BRF1: variants seen among roughly 807,000 people sequenced by gnomAD.
BRF1 encodes the protein transcription factor IIIB 90 kDa subunit.
In BRF1, 59 loss-of-function variants were observed where a neutral mutation model predicts 81.7. The observed-to-expected ratio is 0.72, with a 90% CI of 0.59 to 0.90. BRF1 has a LOEUF of 0.90. BRF1 is among the 40% of genes least tolerant of loss of function. The probability of loss-of-function intolerance (pLI) is 0.00; values close to 1 mark genes in which losing one functional copy is unlikely to be tolerated. For synonymous variants in BRF1, 491 were observed against 395.6 expected, an observed-to-expected ratio of 1.24 and a Z score of -2.86; for missense variants, 1,050 against 936.3, an observed-to-expected ratio of 1.12 and a Z score of -1.58.
At chr14:105,242,855 C>T (rs895411544) in intron 5 of BRF1, among the ~76,000 whole-genome samples, 3 of 151,994 alleles carry the variant, frequency 2.0e-5, no homozygotes, top group Non-Finnish European at 4.4e-5. Context: ...GCGGCTTACG[C>T]CTGTAATCCC....
rs925873657 is a variant in BRF1, at chr14:105,218,874, C to T, written c.1515+124G>A. On this transcript the variant is annotated intron_variant, in intron 14 of 17. Coordinates refer to ENST00000547530, the MANE Select transcript of BRF1 (RefSeq NM_001519.4). The stretch of plus-strand genomic sequence containing the variant: ...GGGTCTGGGGTCCAGAGCACATGGC[C>T]TCCGGCTGCCTGCCCTGGGGCCTAG... 2.9e-6 allele frequency: 4 copies of T among 1,399,340 alleles called. No homozygotes were observed. The African/African-American group carries it at 4.3e-5, about 15-fold the overall frequency. The allele number at this position is 1,399,340 out of a possible 1,614,324, so 86.7% of individuals were successfully genotyped here.
chr14:105,315,286 C>T lies in BRF1; in HGVS notation c.-162+36G>A, dbSNP rs1026570573. On this transcript the variant is annotated intron_variant, in intron 1 of 17. Transcript: ENST00000327359. The surrounding 1 kb of genome is among the most constrained non-coding windows in gnomAD (Gnocchi z 4.4). ...TTCCGAGGACCCGGTGCTGCTCAGA[C>T]CCGGCGGGACCTTGGGGCTCCCGGG... The T allele has an allele frequency of 1.3e-5, 2 of 158,754 alleles. No homozygotes were observed. Among genetic ancestry groups the T allele is most frequent in the African/African-American group, 2.4e-5 (1 of 41,576 alleles). 9.8% of individuals were successfully genotyped at this position (158,754 alleles called of 1,614,324 possible).
rs375577063 is a variant in BRF1, at chr14:105,210,739, C to T, written c.1997-151G>A. On this transcript the variant is annotated intron_variant, in intron 17 of 17. Transcript: ENST00000547530. This position sits in a 1 kb window ranked among gnomAD's most constrained non-coding sequence, Gnocchi z 4.7. ...GCGCCCCGCCAGGAGCCATCTTGGG[C>T]TCCTCTCCACCTCCCGGGACTGGCA... 1.8e-5 allele frequency: 15 copies of T among 848,096 alleles called. No individual in the cohort carries two copies. Among genetic ancestry groups the T allele is most frequent in the Middle Eastern group, 3.5e-4 (1 of 2,850 alleles). The allele number at this position is 848,096 out of a possible 1,614,324, so 52.5% of individuals were successfully genotyped here. A position where few individuals can be genotyped will look rare whatever the true frequency, so the allele number is the denominator to read the frequency against.
Position 105,210,401 on chromosome 14 carries a change from C to T in BRF1, c.*150G>A. 1.3e-6 allele frequency: 1 copy of T among 777,930 alleles called. No individual in the cohort carries two copies. The highest frequency in any genetic ancestry group is 2.1e-6 in the Non-Finnish European group (1 of 486,220). The allele number at this position is 777,930 out of a possible 1,614,324, so 48.2% of individuals were successfully genotyped here. A position where few individuals can be genotyped will look rare whatever the true frequency, so the allele number is the denominator to read the frequency against. ...AGAAACACAATCCCAATGGTAAGTT[C>T]CACATGGGACGAGGGCTGTGGGACA... On this transcript the variant is annotated 3_prime_UTR_variant, in exon 18 of 18. Transcript: ENST00000547530. The surrounding 1 kb of genome is among the most constrained non-coding windows in gnomAD (Gnocchi z 4.7).
intron 5 of BRF1, among the ~76,000 whole-genome samples, chr14:105,244,936 G>A (rs2054980320): frequency 1.3e-5 from 2 of 150,444 alleles, no homozygotes; most frequent in Admixed American, 6.6e-5. Context: ...CATGCCATTT[G>A]ACCCCAAGTG....
At chr14:105,265,360 G>A (rs1374217087) in intron 3 of BRF1, among the ~76,000 whole-genome samples, 1 of 152,032 alleles carries the variant, frequency 6.6e-6, no homozygotes. Context: ...ACAAATCCTT[G>A]AACTTCTACA....
intron 1 of BRF1, among the ~76,000 whole-genome samples, chr14:105,310,481 G>C (rs2058322510): frequency 7.6e-6 from 1 of 132,094 alleles, no homozygotes; most frequent in South Asian, 2.3e-4. Context: ...AGTGAGCTGA[G>C]ATGGCACCAC....
rs766227353 is a variant in BRF1, at chr14:105,228,810, A to G, written c.788+10T>C. ...GTGTGGTCCCCATGCCATGAATGAG[A>G]GCCCCTCACCTCTTCCGCAGCGTGG... On this transcript the variant is annotated intron_variant, in intron 7 of 17. Transcript: ENST00000547530. 16 of 1,613,450 alleles carry G rather than the reference A, an allele frequency of 9.9e-6. No individual in the cohort carries two copies. The highest frequency in any genetic ancestry group is 1.3e-5 in the Non-Finnish European group (15 of 1,179,914).
At chr14:105,214,670 AG>A (rs766106664) in intron 15 of BRF1, among the ~76,000 whole-genome samples, 11 of 152,204 alleles carry the variant, frequency 7.2e-5, no homozygotes, top group Non-Finnish European at 1.3e-4. Flanking sequence ...CCAAAGAGAA[AG>A]GGGGTGCAGC....
At position 105,315,100 on chromosome 14, in the gene BRF1, C is replaced by G. The variant is rs1307081564; in HGVS notation, c.-162+222G>C. 1.0e-6 allele frequency: 1 copy of G among 997,042 alleles called. No homozygotes were observed. Among genetic ancestry groups the G allele is most frequent in the Non-Finnish European group, 1.2e-6 (1 of 823,536 alleles). The allele number at this position is 997,042 out of a possible 1,614,324, so 61.8% of individuals were successfully genotyped here. A position where few individuals can be genotyped will look rare whatever the true frequency, so the allele number is the denominator to read the frequency against. ...CCTGCTGGGGGTGTCCTGGCCGCGGCCTCTGCGCGCCCCATCCCCGGCCCG... is the reference window on the plus strand; with the variant it reads ...CCTGCTGGGGGTGTCCTGGCCGCGGGCTCTGCGCGCCCCATCCCCGGCCCG... On this transcript the variant is annotated intron_variant, in intron 1 of 17. Coordinates refer to the BRF1 transcript ENST00000327359. This position sits in a 1 kb window ranked among gnomAD's most constrained non-coding sequence, Gnocchi z 4.4.
In BRF1 at chr14:105,248,557, G is replaced by A. The variant is rs1205808173; in HGVS notation, c.544+3950C>T. 9.3e-5 allele frequency: 86 copies of A among 920,656 alleles called. No individual in the cohort carries two copies. The South Asian group carries it at 2.1e-3, about 22-fold the overall frequency. 57.0% of individuals were successfully genotyped at this position (920,656 alleles called of 1,614,324 possible). ...CGCAGCGTGACGCACCGGCGCCGCG[G>A]CGGGTACGGGCTCGGGCGGGCGGGC... On this transcript the variant is annotated intron_variant, in intron 5 of 17. Coordinates refer to ENST00000547530, the MANE Select transcript of BRF1 (RefSeq NM_001519.4).
intron 2 of BRF1, among the ~76,000 whole-genome samples, chr14:105,285,839 A>G (rs2057294836): frequency 6.6e-6 from 1 of 152,242 alleles, no homozygotes; most frequent in African/African-American, 2.4e-5. Context: ...ACTTGCACCT[A>G]AAATATATAA....
chr14:105,250,845 G>A (rs2055564947), intron 5 of BRF1: 1 of 709,328 alleles, frequency 1.4e-6, no homozygotes, highest in East Asian at 2.7e-5. Flanking sequence ...CCAGGGATTG[G>A]AGTCTTAGGC....
chr14:105,307,877 C>T (rs1328637822), intron 1 of BRF1, among the ~76,000 whole-genome samples: 1 of 152,228 alleles, frequency 6.6e-6, no homozygotes, highest in Non-Finnish European at 1.5e-5. Context: ...TCCAGTCCAC[C>T]TTCCACCACA....
intron 14 of BRF1, 69 bp downstream of exon 14, chr14:105,218,929 C>A (rs1891783398): frequency 1.9e-6 from 3 of 1,602,954 alleles, no homozygotes. Flanking sequence ...AAGGGACATT[C>A]CAGAGACATT....
At chr14:105,216,033 G>GCA (rs35541396) in intron 15 of BRF1, among the ~76,000 whole-genome samples, 52,051 of 126,506 alleles carry the variant, frequency 0.41, 14,794 homozygotes, top group African/African-American at 0.79. Context: ...ACAGACACAG[G>GCA]CACACACACT....
intron 5 of BRF1, chr14:105,249,562 G>A: frequency 6.3e-7 from 1 of 1,589,288 alleles, no homozygotes; most frequent in Non-Finnish European, 8.6e-7. Context: ...CACAGGAGCT[G>A]ATGGACTCCT....
At chr14:105,279,452 A>C (rs1267579293) in intron 2 of BRF1, among the ~76,000 whole-genome samples, 1 of 152,234 alleles carries the variant, frequency 6.6e-6, no homozygotes, top group East Asian at 1.9e-4. Context: ...GCATGAGCAA[A>C]GGTTGTGGCC....
Position 105,209,356 on chromosome 14 carries a change from T to A in BRF1, c.*1195A>T, listed in dbSNP as rs183332136. On this transcript the variant is annotated 3_prime_UTR_variant, in exon 18 of 18. Coordinates refer to ENST00000547530, the MANE Select transcript of BRF1 (RefSeq NM_001519.4). Reference sequence around the variant, plus strand: ...CTTCCCCCAAGCCCTCGAGAAGCCCTGGCAGGACCCAGGCTGGCTACTGAG... The same window carrying A: ...CTTCCCCCAAGCCCTCGAGAAGCCCAGGCAGGACCCAGGCTGGCTACTGAG... The A allele has an allele frequency of 2.0e-4, 117 of 581,982 alleles. No individual in the cohort carries two copies. In the East Asian group the frequency reaches 3.4e-3, roughly 17 times the overall value. The allele number at this position is 581,982 out of a possible 1,614,324, so 36.1% of individuals were successfully genotyped here. A position where few individuals can be genotyped will look rare whatever the true frequency, so the allele number is the denominator to read the frequency against.
Sources: allele counts gnomAD v4.1 joint callset (sites outside exome capture counted in the v4.1 genomes callset), GRCh38; gene constraint gnomAD v4.1.1; non-coding constraint Gnocchi (gnomAD v3.1); transcripts MANE v1.5; gene names NCBI Gene and HGNC (gene_info 2026-07-23, HGNC 2026-07-21).